RBFOX1: variants seen among roughly 807,000 people sequenced by gnomAD.
The protein encoded by RBFOX1 is RNA binding protein fox-1 homolog 1.
Under a neutral mutation model 57.7 loss-of-function variants are expected in RBFOX1, and 8 were observed. The ratio of observed to expected loss-of-function variants is 0.14; its 90% CI spans 0.08 to 0.25. RBFOX1 has a LOEUF of 0.25. Among genes scored for constraint, RBFOX1 ranks in the 10% least tolerant of loss-of-function variants. The pLI, the probability that RBFOX1 is intolerant of heterozygous loss-of-function variation, is 1.00. For missense variants in RBFOX1, 611 were observed against 548.5 expected (o/e 1.11, Z -1.14); for synonymous variants, 326 against 222.4 (o/e 1.47, Z -4.15).
chr16:6,626,319 C>G (rs1260535013), intron 2 of RBFOX1, among the ~76,000 whole-genome samples: 1 of 152,112 alleles, frequency 6.6e-6, no homozygotes, highest in African/African-American at 2.4e-5. Flanking sequence ...ACCCATGAAC[C>G]TAGAAGAGAA....
At chr16:7,077,252 G>C (rs1290621962) in intron 4 of RBFOX1, among the ~76,000 whole-genome samples, 1 of 152,190 alleles carries the variant, frequency 6.6e-6, no homozygotes, top group Non-Finnish European at 1.5e-5. Flanking sequence ...GTTGGCATTG[G>C]TGGGCAAGGT....
rs148799679 is a variant in RBFOX1 at position 6,422,863 on chromosome 16, C to A, written c.-64+105806C>A. On this transcript the variant is annotated intron_variant, in intron 2 of 15. Coordinates refer to ENST00000550418, the MANE Select transcript of RBFOX1 (RefSeq NM_018723.4). ...ATGAGATTTGGCAAGGACAGAGATC[C>A]AAACCATGTCAAATGCTTAGCTCCT... 6.4e-3 allele frequency among the ~76,000 whole-genome samples: 968 copies of A among 152,230 alleles called. 10 individuals are homozygous for A. The highest frequency in any genetic ancestry group is 0.022 in the African/African-American group (924 of 41,532).
chr16:6,803,227 C>G (rs1163332333), intron 3 of RBFOX1, among the ~76,000 whole-genome samples: 1 of 152,066 alleles, frequency 6.6e-6, no homozygotes, highest in Non-Finnish European at 1.5e-5. Flanking sequence ...CCCTCATTGC[C>G]TATGACATTG....
intron 3 of RBFOX1, among the ~76,000 whole-genome samples, chr16:6,759,485 G>A (rs755156617): frequency 1.5e-5 from 1 of 68,468 alleles, no homozygotes; most frequent in African/African-American, 3.5e-5. Flanking sequence ...GTGTGTGTGT[G>A]TGTGTGTGTG....
At chr16:6,828,933 A>G (rs1473115300) in intron 3 of RBFOX1, among the ~76,000 whole-genome samples, 1 of 152,046 alleles carries the variant, frequency 6.6e-6, no homozygotes, top group East Asian at 1.9e-4. Flanking sequence ...TGCTCTCTTG[A>G]GTCCGCCTAC....
chr16:5,248,128 G>A lies in RBFOX1; in HGVS notation c.219+8023G>A, dbSNP rs573574513. ...ACCCAGTGAGGCCGGCTGTCTTGGC[G>A]CTGCCACTCTGAGGGATGGAGCCCC... On this transcript the variant is annotated intron_variant, in intron 1 of 2. Coordinates refer to the RBFOX1 transcript ENST00000585867. 6.6e-5 allele frequency among the ~76,000 whole-genome samples: 10 copies of A among 152,310 alleles called. No individual in the cohort carries two copies. In the East Asian group the frequency reaches 7.7e-4, roughly 12 times the overall value.
chr16:5,852,229 G>A (rs1317316452), intron 3 of RBFOX1, among the ~76,000 whole-genome samples: 2 of 152,112 alleles, frequency 1.3e-5, no homozygotes, highest in African/African-American at 4.8e-5. Flanking sequence ...CTTTGCCCAT[G>A]CTGTCTCCTC....
chr16:6,584,038 T>A (rs1483159529), intron 2 of RBFOX1, among the ~76,000 whole-genome samples: 1 of 150,800 alleles, frequency 6.6e-6, no homozygotes, highest in Admixed American at 6.6e-5. Flanking sequence ...TAGGATTCCT[T>A]AGTAGAAGGT....
chr16:6,377,767 A>G (rs1045826394), intron 2 of RBFOX1, among the ~76,000 whole-genome samples: 1 of 152,238 alleles, frequency 6.6e-6, no homozygotes, highest in African/African-American at 2.4e-5. Context: ...TAAAATTTTA[A>G]TCAGGAATGT....
At chr16:7,508,927 T>A (rs7499670) in intron 4 of RBFOX1, among the ~76,000 whole-genome samples, 121,293 of 152,176 alleles carry the variant, frequency 0.8, 49,351 homozygotes, top group Middle Eastern at 0.9. Flanking sequence ...CATGGGACTC[T>A]CAAAACCTCT....
intron 1 of RBFOX1, among the ~76,000 whole-genome samples, chr16:6,053,238 A>G (rs1214704921): frequency 6.6e-6 from 1 of 152,172 alleles, no homozygotes; most frequent in East Asian, 1.9e-4. Flanking sequence ...CTTGCATCTT[A>G]GCTGGAAACA....
At chr16:6,833,691 A>G (rs1301155123) in intron 3 of RBFOX1, among the ~76,000 whole-genome samples, 4 of 152,248 alleles carry the variant, frequency 2.6e-5, no homozygotes, top group Non-Finnish European at 5.9e-5. Context: ...CCAAATAGAC[A>G]TTTGTTGTGA....
At chr16:7,026,769 C>T (rs138759440) in intron 3 of RBFOX1, among the ~76,000 whole-genome samples, 3 of 152,324 alleles carry the variant, frequency 2.0e-5, no homozygotes, top group East Asian at 3.9e-4. Context: ...TTTGTGCTGC[C>T]AGAGGGCACT....
intron 3 of RBFOX1, among the ~76,000 whole-genome samples, chr16:5,668,722 G>C (rs1278450974): frequency 6.6e-6 from 1 of 152,096 alleles, no homozygotes; most frequent in Non-Finnish European, 1.5e-5. Context: ...TTGACAGCAG[G>C]CTCCTCCTCT....
At chr16:6,323,052 G>A (rs2081992299) in intron 2 of RBFOX1, among the ~76,000 whole-genome samples, 1 of 152,094 alleles carries the variant, frequency 6.6e-6, no homozygotes. Context: ...TGCATATAAG[G>A]GGCAGGAACT....
chr16:7,165,694 G>T (rs994705069), intron 4 of RBFOX1, among the ~76,000 whole-genome samples: 5 of 151,858 alleles, frequency 3.3e-5, no homozygotes, highest in African/African-American at 9.7e-5. Flanking sequence ...CTTCCAAAGT[G>T]TTGGGATTAC....
chr16:7,256,125 A>C (rs898096898), intron 4 of RBFOX1, among the ~76,000 whole-genome samples: 3 of 152,236 alleles, frequency 2.0e-5, no homozygotes, highest in African/African-American at 7.2e-5. Context: ...TCTAAAATGC[A>C]CTGTTAAAAA....
intron 3 of RBFOX1, among the ~76,000 whole-genome samples, chr16:5,614,677 C>G (rs1433554988): frequency 6.6e-6 from 1 of 152,030 alleles, no homozygotes; most frequent in Non-Finnish European, 1.5e-5. Context: ...AACATTCCAC[C>G]CCTACCCCCT....
chr16:6,058,340 T>A (rs1316451253), intron 1 of RBFOX1, among the ~76,000 whole-genome samples: 1 of 151,730 alleles, frequency 6.6e-6, no homozygotes, highest in Admixed American at 6.6e-5. Flanking sequence ...CTCCCTCCTC[T>A]CCTTCCTCCC....
Sources: gnomAD v4.1 joint callset for allele counts (sites outside exome capture counted in the v4.1 genomes callset) on GRCh38, gnomAD v4.1.1 for gene constraint, MANE v1.5 for transcripts, NCBI Gene and HGNC (gene_info 2026-07-23, HGNC 2026-07-21) for gene names.